The following TMC1 variants were observed in gnomAD, a reference collection of about 807,000 sequenced individuals.
The protein encoded by TMC1 is transmembrane channel like 1.
Under a neutral mutation model 105.8 loss-of-function variants are expected in TMC1, and 84 were observed. The ratio of observed to expected loss-of-function variants is 0.79; its 90% CI spans 0.67 to 0.95. The LOEUF (loss-of-function observed/expected upper bound fraction) is 0.95. Ranked by LOEUF, TMC1 falls within the 40% of genes least tolerant of loss-of-function variation. The pLI, the probability that TMC1 is intolerant of heterozygous loss-of-function variation, is 0.00. For synonymous variants in TMC1, 315 were observed against 311.5 expected (o/e 1.01, Z -0.12); for missense variants, 817 against 914.1 (o/e 0.89, Z 1.37).
intron 6 of TMC1, among the ~76,000 whole-genome samples, chr9:72,694,143 A>G (rs963057749): frequency 2.0e-5 from 3 of 152,312 alleles, no homozygotes; most frequent in Admixed American, 6.5e-5. Context: ...AGTAATAAAT[A>G]TGAAGTGGTT....
chr9:72,762,305 A>G (rs1310010465), intron 12 of TMC1, among the ~76,000 whole-genome samples: 4 of 152,136 alleles, frequency 2.6e-5, no homozygotes, highest in African/African-American at 9.7e-5. Flanking sequence ...TCAATGTGAA[A>G]ACAGTTTGGT....
chr9:72,760,379 A>G (rs1273977403), intron 12 of TMC1, among the ~76,000 whole-genome samples: 3 of 152,110 alleles, frequency 2.0e-5, no homozygotes, highest in Admixed American at 6.5e-5. Flanking sequence ...CATTGACAAA[A>G]TGTTTTTAAA....
At chr9:72,823,103 G>C (rs1828901049) in intron 20 of TMC1, among the ~76,000 whole-genome samples, 1 of 152,154 alleles carries the variant, frequency 6.6e-6, no homozygotes, top group Admixed American at 6.5e-5. Flanking sequence ...GTTCTTTAGG[G>C]TGATTTGTGA....
At chr9:72,562,574 C>G (rs1217006398) in intron 1 of TMC1, among the ~76,000 whole-genome samples, 1 of 152,118 alleles carries the variant, frequency 6.6e-6, no homozygotes, top group Non-Finnish European at 1.5e-5. Flanking sequence ...ATTTGAATCC[C>G]TATTGTGTCA....
chr9:72,727,089 T>C (rs537692561), intron 8 of TMC1, among the ~76,000 whole-genome samples: 3 of 152,208 alleles, frequency 2.0e-5, no homozygotes, highest in Non-Finnish European at 2.9e-5. Flanking sequence ...ATATGTATGA[T>C]TCATGGTGGA....
At chr9:72,698,661 T>G (rs1826591307) in intron 7 of TMC1, among the ~76,000 whole-genome samples, 1 of 152,146 alleles carries the variant, frequency 6.6e-6, no homozygotes, top group Non-Finnish European at 1.5e-5. Flanking sequence ...TGACGGTAAC[T>G]ACTGGAAGCA....
At chr9:72,739,722 T>G (rs1265181750) in intron 8 of TMC1, among the ~76,000 whole-genome samples, 1 of 152,182 alleles carries the variant, frequency 6.6e-6, no homozygotes, top group South Asian at 2.1e-4. Flanking sequence ...TGCCCTTTTC[T>G]TTTTTCTAAA....
At chr9:72,643,867 T>C (rs1825667202) in intron 4 of TMC1, among the ~76,000 whole-genome samples, 1 of 152,150 alleles carries the variant, frequency 6.6e-6, no homozygotes, top group Non-Finnish European at 1.5e-5. Context: ...TTGTCCAAAG[T>C]GTGTACCATT....
intron 8 of TMC1, among the ~76,000 whole-genome samples, chr9:72,732,653 G>C (rs1588054954): frequency 6.6e-6 from 1 of 151,994 alleles, no homozygotes; most frequent in Non-Finnish European, 1.5e-5. Flanking sequence ...TGCTTACACT[G>C]TTTCAACTTT....
chr9:72,792,974 C>T (rs190368797), intron 17 of TMC1, among the ~76,000 whole-genome samples: 23 of 152,256 alleles, frequency 1.5e-4, no homozygotes, highest in Non-Finnish European at 3.1e-4. Flanking sequence ...CTTCTATGCC[C>T]AGGGAAGTGG....
intron 8 of TMC1, among the ~76,000 whole-genome samples, chr9:72,709,091 A>T (rs1206881322): frequency 1.3e-5 from 2 of 151,626 alleles, no homozygotes; most frequent in African/African-American, 4.8e-5. Context: ...AGGGAGGGGG[A>T]TCCTCTCTTG....
intron 1 of TMC1, among the ~76,000 whole-genome samples, chr9:72,556,220 G>A (rs1295402459): frequency 1.3e-5 from 2 of 150,224 alleles, no homozygotes; most frequent in Non-Finnish European, 3.0e-5. Context: ...GGGTTCAAGG[G>A]ATTCTCCTGC....
At chr9:72,758,393 G>A (rs1257829895) in intron 12 of TMC1, among the ~76,000 whole-genome samples, 2 of 152,182 alleles carry the variant, frequency 1.3e-5, no homozygotes, top group East Asian at 1.9e-4. Flanking sequence ...AGAAAAAAAT[G>A]TACAAAGCTT....
At chr9:72,557,374 C>T (rs1587955362) in intron 1 of TMC1, among the ~76,000 whole-genome samples, 1 of 134,160 alleles carries the variant, frequency 7.5e-6, no homozygotes. Context: ...CTCAAAAAAA[C>T]AAACAAACAA....
chr9:72,536,003 A>AG (rs1233737162), intron 1 of TMC1, among the ~76,000 whole-genome samples: 1 of 152,224 alleles, frequency 6.6e-6, no homozygotes, highest in Non-Finnish European at 1.5e-5. Context: ...TGAGGTTTGA[A>AG]GGGGGGACAA....
intron 6 of TMC1, among the ~76,000 whole-genome samples, chr9:72,690,694 T>G (rs969743715): frequency 6.6e-6 from 1 of 152,146 alleles, no homozygotes; most frequent in African/African-American, 2.4e-5. Flanking sequence ...AATGATAGTC[T>G]TATGAAGGTT....
At chr9:72,751,665 G>T (rs1344152068) in intron 10 of TMC1, among the ~76,000 whole-genome samples, 185 bp from the exon 11 acceptor site, 1 of 152,188 alleles carries the variant, frequency 6.6e-6, no homozygotes, top group Non-Finnish European at 1.5e-5. Context: ...GACAGGGAAT[G>T]CTTCCATCAT....
At chr9:72,556,589 C>T (rs1020155576) in intron 1 of TMC1, among the ~76,000 whole-genome samples, 2 of 151,330 alleles carry the variant, frequency 1.3e-5, no homozygotes, top group South Asian at 2.1e-4. Flanking sequence ...GAGGCCGAGA[C>T]GGGTGGATCA....
intron 20 of TMC1, among the ~76,000 whole-genome samples, chr9:72,822,487 T>A (rs1005969540): frequency 5.3e-5 from 8 of 151,314 alleles, no homozygotes; most frequent in African/African-American, 1.7e-4. Flanking sequence ...CTCAGAGAAC[T>A]GATGTTGAGA....
Sources: gnomAD v4.1 joint callset for allele counts (sites outside exome capture counted in the v4.1 genomes callset) on GRCh38, gnomAD v4.1.1 for gene constraint, MANE v1.5 for transcripts, NCBI Gene and HGNC (gene_info 2026-07-23, HGNC 2026-07-21) for gene names.